The following TNRC6B variants were observed in gnomAD, a reference collection of about 807,000 sequenced individuals.
The protein encoded by TNRC6B is trinucleotide repeat containing adaptor 6B.
Under a neutral mutation model 203.6 loss-of-function variants are expected in TNRC6B, and 52 were observed. The ratio of observed to expected loss-of-function variants is 0.26; its 90% CI spans 0.20 to 0.32. The LOEUF is 0.32. TNRC6B is among the 10% of genes least tolerant of loss of function. The pLI, the probability that TNRC6B is intolerant of heterozygous loss-of-function variation, is 1.00. For synonymous variants in TNRC6B, 838 were observed against 845.7 expected, an observed-to-expected ratio of 0.99 and a Z score of 0.16; for missense variants, 1,923 against 2,286.2, an observed-to-expected ratio of 0.84 and a Z score of 3.24.
At chr22:40,117,647 A>G (rs2068402173) in intron 2 of TNRC6B, among the ~76,000 whole-genome samples, 1 of 151,934 alleles carries the variant, frequency 6.6e-6, no homozygotes, top group Admixed American at 6.6e-5. Context: ...CCCTAGATAT[A>G]TATATAGTAT....
At chr22:40,070,357 T>C (rs1569249915) in intron 1 of TNRC6B, among the ~76,000 whole-genome samples, 1 of 152,350 alleles carries the variant, frequency 6.6e-6, no homozygotes, top group East Asian at 1.9e-4. Flanking sequence ...TTATTAACTT[T>C]TGAAATTAAT....
At chr22:40,113,982 A>G (rs1601822252) in intron 1 of TNRC6B, among the ~76,000 whole-genome samples, 1 of 152,192 alleles carries the variant, frequency 6.6e-6, no homozygotes, top group Admixed American at 6.5e-5. Flanking sequence ...TATTCTTAAT[A>G]ATCTGTATCC....
intron 21 of TNRC6B, among the ~76,000 whole-genome samples, chr22:40,318,169 A>G (rs2071284366): frequency 6.6e-6 from 1 of 152,224 alleles, no homozygotes; most frequent in African/African-American, 2.4e-5. Flanking sequence ...ATGCACATTG[A>G]GGTAAACAAT....
At chr22:40,067,257 C>T (rs1490707451) in intron 1 of TNRC6B, among the ~76,000 whole-genome samples, 1 of 151,986 alleles carries the variant, frequency 6.6e-6, no homozygotes, top group Non-Finnish European at 1.5e-5. Flanking sequence ...TTTATAATGC[C>T]TTCGTAAGTT....
intron 1 of TNRC6B, among the ~76,000 whole-genome samples, chr22:40,103,604 C>T (rs1027180732): frequency 1.3e-4 from 19 of 151,946 alleles, no homozygotes; most frequent in Admixed American, 4.6e-4. Flanking sequence ...GGGTTGTTTC[C>T]ACTTTTTTGG....
chr22:40,046,232 G>A (rs1737480313), intron 1 of TNRC6B, among the ~76,000 whole-genome samples: 1 of 152,228 alleles, frequency 6.6e-6, no homozygotes, highest in African/African-American at 2.4e-5. Context: ...AGTGATCTTG[G>A]CTTCGAAAGT....
chr22:40,265,966 A>G lies in TNRC6B; in HGVS notation c.1736A>G (p.Lys579Arg). 1 of 1,614,000 alleles carries G rather than the reference A, an allele frequency of 6.2e-7. No homozygotes were observed. Among genetic ancestry groups the G allele is most frequent in the Non-Finnish European group, 8.5e-7 (1 of 1,179,892 alleles). The stretch of plus-strand genomic sequence containing the variant: ...GGTCAAAGCACTGGAAGCAACCACA[A>G]AGCAGGAAGTAGTGACAGTCATAAC... ...VGGQSTGSNH[K>R]AGSSDSHNSG... Residue 579 changes from lysine (K) to arginine (R), a missense_variant, in exon 5 of 23, where the codon AAA (lysine) becomes AGA (arginine). Lys to Arg is a conservative substitution (Grantham distance 26). Transcript: ENST00000454349.
intron 2 of TNRC6B, among the ~76,000 whole-genome samples, chr22:40,118,645 A>C (rs1362781770): frequency 2.0e-5 from 3 of 152,200 alleles, no homozygotes; most frequent in African/African-American, 7.2e-5. Flanking sequence ...ATACATATTA[A>C]ATGCCAGGTA....
chr22:40,155,152 C>G (rs1400812258), intron 3 of TNRC6B, among the ~76,000 whole-genome samples: 4 of 151,354 alleles, frequency 2.6e-5, no homozygotes, highest in Non-Finnish European at 5.9e-5. Flanking sequence ...CTATTTTTTT[C>G]TGTTAAAAAT....
At chr22:40,133,106 T>C (rs2068567591) in intron 3 of TNRC6B, among the ~76,000 whole-genome samples, 3 of 151,384 alleles carry the variant, frequency 2.0e-5, no homozygotes, top group Non-Finnish European at 1.5e-5. Context: ...ATCACACTGA[T>C]CTGAAAACAG....
chr22:40,148,572 C>T (rs1243762817), intron 3 of TNRC6B, among the ~76,000 whole-genome samples: 2 of 147,774 alleles, frequency 1.4e-5, no homozygotes, highest in Non-Finnish European at 3.0e-5. Context: ...TGTGGGCCAC[C>T]GCGCCGGGCC....
At chr22:40,112,843 G>A (rs909268465) in intron 1 of TNRC6B, among the ~76,000 whole-genome samples, 2 of 152,184 alleles carry the variant, frequency 1.3e-5, no homozygotes, top group African/African-American at 2.4e-5. Context: ...ACTAGGCCAG[G>A]TGCAGTGTTT....
At chr22:40,214,960 T>G (rs927258946) in intron 1 of TNRC6B, among the ~76,000 whole-genome samples, 2 of 152,128 alleles carry the variant, frequency 1.3e-5, no homozygotes, top group African/African-American at 4.8e-5. Context: ...CTCCTAGTTT[T>G]CAATATTTTT....
chr22:40,289,947 C>G (rs1382125651), intron 12 of TNRC6B, among the ~76,000 whole-genome samples: 1 of 152,254 alleles, frequency 6.6e-6, no homozygotes, highest in Non-Finnish European at 1.5e-5. Flanking sequence ...GAGCTCGTGA[C>G]CATGTTCATT....
chr22:40,164,461 A>AT (rs1323675614), intron 4 of TNRC6B, among the ~76,000 whole-genome samples: 2 of 149,138 alleles, frequency 1.3e-5, no homozygotes, highest in East Asian at 2.0e-4. Flanking sequence ...TTTTTAATTA[A>AT]TTTTTTTTAA....
chr22:40,159,377 C>T (rs1468201150), intron 4 of TNRC6B, among the ~76,000 whole-genome samples: 4 of 150,628 alleles, frequency 2.7e-5, no homozygotes, highest in East Asian at 2.0e-4. Flanking sequence ...CGGTGGCTCA[C>T]GCCTGTAATC....
At chr22:40,054,694 A>T (rs147222296) in intron 1 of TNRC6B, among the ~76,000 whole-genome samples, 116 of 152,262 alleles carry the variant, frequency 7.6e-4, no homozygotes, top group Middle Eastern at 3.4e-3. Flanking sequence ...CTCAATAAAT[A>T]TTTTTTCAAA....
intron 3 of TNRC6B, among the ~76,000 whole-genome samples, chr22:40,154,308 A>C (rs551767909): frequency 1.7e-4 from 26 of 151,962 alleles, no homozygotes; most frequent in African/African-American, 5.3e-4. Flanking sequence ...CTAAAAAAAT[A>C]CAAAAATCAG....
chr22:40,129,164 T>C (rs2068520324), intron 3 of TNRC6B, among the ~76,000 whole-genome samples: 1 of 152,048 alleles, frequency 6.6e-6, no homozygotes, highest in Non-Finnish European at 1.5e-5. Context: ...CTAAGAACTC[T>C]CAGAAACCTG....
Sources: allele counts gnomAD v4.1 joint callset (sites outside exome capture counted in the v4.1 genomes callset), GRCh38; gene constraint gnomAD v4.1.1; transcripts MANE v1.5; gene names NCBI Gene and HGNC (gene_info 2026-07-23, HGNC 2026-07-21).